NSD2: variants seen among roughly 807,000 people sequenced by gnomAD.
NSD2 encodes the protein nuclear receptor binding SET domain protein 2.
NSD2 carries 12 observed loss-of-function variants against 139.0 expected under a neutral mutation model. The ratio of observed to expected loss-of-function variants is 0.09; its 90% CI spans 0.06 to 0.14. NSD2 has a LOEUF of 0.14. NSD2 is among the 10% of genes least tolerant of loss of function. The pLI is 1.00. For missense variants in NSD2, 1,155 were observed against 1,745.0 expected (o/e 0.66, Z 6.02); for synonymous variants, 669 against 648.7 (o/e 1.03, Z -0.48).
rs1727651716 is a variant in NSD2, at chr4:1,980,496, G to A, written c.*1587G>A. The A allele has an allele frequency of 4.3e-6, 1 of 233,100 alleles. No individual in the cohort carries two copies. Among genetic ancestry groups the A allele is most frequent in the African/African-American group, 2.2e-5 (1 of 45,318 alleles). The allele number at this position is 233,100 out of a possible 1,614,324, so 14.4% of individuals were successfully genotyped here. On this transcript the variant is annotated 3_prime_UTR_variant, in exon 22 of 22. Transcript: ENST00000508803. ...ACTCCCCTTGAAAACTGCTGCTGAG[G>A]CTCCTGTTAAATTTTCTGTGGCATC...
chr4:1,920,297 A>G (rs1276344132), intron 5 of NSD2, among the ~76,000 whole-genome samples: 2 of 152,014 alleles, frequency 1.3e-5, no homozygotes, highest in African/African-American at 4.8e-5. Flanking sequence ...TAAAAATACA[A>G]GAATTAGCTG....
At chr4:1,961,795 C>T (rs1012628510) in intron 18 of NSD2, among the ~76,000 whole-genome samples, 8 of 152,172 alleles carry the variant, frequency 5.3e-5, no homozygotes, top group African/African-American at 1.9e-4. Context: ...TGTGGGGGTG[C>T]GTGTCATCCC....
intron 18 of NSD2, among the ~76,000 whole-genome samples, chr4:1,968,196 AG>A (rs1337612102): frequency 6.6e-6 from 1 of 152,268 alleles, no homozygotes; most frequent in African/African-American, 2.4e-5. Flanking sequence ...TATTTTAGGA[AG>A]AAGAACATTG....
intron 5 of NSD2, among the ~76,000 whole-genome samples, chr4:1,920,935 G>A (rs1720036582): frequency 6.6e-6 from 1 of 152,154 alleles, no homozygotes; most frequent in Non-Finnish European, 1.5e-5. Flanking sequence ...CTACTCAGGA[G>A]GTTGAGGCAA....
chr4:1,935,221 C>G lies in NSD2; in HGVS notation c.1633C>G (p.Pro545Ala). The G allele has an allele frequency of 6.2e-7, 1 of 1,613,326 alleles. No individual in the cohort carries two copies. The highest frequency in any genetic ancestry group is 2.2e-5 in the East Asian group (1 of 44,858). The change falls in exon 7 of 22, where the codon CCC (proline) becomes GCC (alanine). Residue 545 changes from proline to alanine, a missense_variant. Physicochemically the swap from Pro to Ala is conservative, Grantham distance 27. Transcript: ENST00000508803. ...PTEDAEAEDTPRKRLRTDKHS... is the reference protein window; with the variant it reads ...PTEDAEAEDTARKRLRTDKHS... ...AGAAGATGCTGAAGCTGAGGACACA[C>G]CCAGGAAAAGACTCAGGACGGACAA...
Position 1,952,191 on chromosome 4 carries a change from G to A in NSD2, c.2097G>A (p.Arg699=). 6.2e-7 allele frequency: 1 copy of A among 1,614,046 alleles called. No individual in the cohort carries two copies. Among genetic ancestry groups the A allele is most frequent in the Non-Finnish European group, 8.5e-7 (1 of 1,180,022 alleles). The change falls in exon 11 of 22, where the codon CGG becomes CGA. Residue 699 remains arginine, a synonymous_variant. Transcript: ENST00000508803. The part of the protein sequence containing the change: ...AFHLACLGLS[R]RPEGRFTCSE... ...ACCTCGCCTGCCTTGGGCTTTCCCG[G>A]AGGCCAGAAGGGAGGTTCACCTGCA...
intron 1 of NSD2, among the ~76,000 whole-genome samples, chr4:1,890,204 A>G (rs1316951176): frequency 6.6e-6 from 1 of 152,132 alleles, no homozygotes; most frequent in Non-Finnish European, 1.5e-5. Context: ...ATTTTGTTCA[A>G]CCATTCATCA....
At chr4:1,905,789 A>G (rs1717813871) in intron 3 of NSD2, among the ~76,000 whole-genome samples, 2 of 152,156 alleles carry the variant, frequency 1.3e-5, no homozygotes, top group Admixed American at 1.3e-4. Flanking sequence ...CTCTGTCTCC[A>G]TGGAGGACCT....
At chr4:1,881,720 A>T (rs1477044556) in intron 1 of NSD2, among the ~76,000 whole-genome samples, 1 of 152,164 alleles carries the variant, frequency 6.6e-6, no homozygotes, top group Non-Finnish European at 1.5e-5. Flanking sequence ...TTCTCTCCAC[A>T]TTTATATGTG....
rs1723541528 is a variant in NSD2, at chr4:1,945,574, C to CTT, written c.1882-5498_1882-5497insTT. 4 of 1,065,288 alleles carry CTT rather than the reference C, an allele frequency of 3.8e-6. No homozygotes were observed. In the African/African-American group the frequency reaches 6.6e-5, roughly 17 times the overall value. The allele number at this position is 1,065,288 out of a possible 1,614,324, so 66.0% of individuals were successfully genotyped here. ...CTCCTGAGAAGGCTCTTGCCAGAAG[C>CTT]CTGATGTGAGTGTGTGGCACCTGTG... is the stretch of plus-strand genomic sequence containing the variant. On this transcript the variant is annotated intron_variant, in intron 9 of 21. Transcript: ENST00000508803.
Position 1,953,320 on chromosome 4 carries a change from T to G in NSD2, c.2138-4T>G. 1.2e-6 allele frequency: 2 copies of G among 1,614,238 alleles called. No individual in the cohort carries two copies. Among genetic ancestry groups the G allele is most frequent in the South Asian group, 1.1e-5 (1 of 91,084 alleles). On this transcript the variant is annotated splice_polypyrimidine_tract_variant and splice_region_variant and intron_variant, in intron 11 of 21. Transcript: ENST00000508803. ...TCTCCACCCCTTCTTTAACTTTTTGTTAGGGATTCACTCATGTTTCGTGTG... is the reference window on the plus strand; with the variant it reads ...TCTCCACCCCTTCTTTAACTTTTTGGTAGGGATTCACTCATGTTTCGTGTG...
rs373768444 is a variant in NSD2, at chr4:1,974,721, G to C, written c.3373-142G>C. ...AACAGGACTGGTTTGGGGGTGTCCT[G>C]TCTCAGTGGACACAGGACACCACGG... On this transcript the variant is annotated intron_variant, in intron 18 of 21. Coordinates refer to ENST00000508803, the MANE Select transcript of NSD2 (RefSeq NM_001042424.3). The surrounding 1 kb of genome is among the most constrained non-coding windows in gnomAD (Gnocchi z 4.0). The C allele has an allele frequency of 9.2e-6, 11 of 1,194,358 alleles. No homozygotes were observed. The highest frequency in any genetic ancestry group is 1.4e-5 in the Non-Finnish European group (11 of 809,300). The allele number at this position is 1,194,358 out of a possible 1,614,324, so 74.0% of individuals were successfully genotyped here.
At chr4:1,951,348 G>A in intron 10 of NSD2, 145 bp downstream of exon 10, 2 of 1,179,384 alleles carry the variant, frequency 1.7e-6, no homozygotes, top group East Asian at 2.6e-5. Flanking sequence ...TTTTGAAGGG[G>A]TCAGACTGAC....
chr4:1,918,471 A>G lies in NSD2; in HGVS notation c.1258A>G (p.Lys420Glu), dbSNP rs775476451. Residue 420 changes from lysine (K) to glutamate (E), a missense_variant, in exon 5 of 22, where the codon AAG (lysine) becomes GAG (glutamate). Physicochemically the swap from Lys to Glu is moderately conservative, Grantham distance 56. Coordinates refer to ENST00000508803, the MANE Select transcript of NSD2 (RefSeq NM_001042424.3). ...CCTGGAGAGTCACCCCGACATAGGG[A>G]AGAGTACTCCTCAAAAGACGGCAGA... ...ETLESHPDIG[K>E]STPQKTAEAD... is the part of the protein sequence containing the mutation. 1 of 1,614,034 alleles carries G rather than the reference A, an allele frequency of 6.2e-7. No individual in the cohort carries two copies. Among genetic ancestry groups the G allele is most frequent in the Non-Finnish European group, 8.5e-7 (1 of 1,180,008 alleles).
At chr4:1,872,589 T>A (rs35007906) in intron 1 of NSD2, among the ~76,000 whole-genome samples, 2,238 of 43,688 alleles carry the variant, frequency 0.051, 31 homozygotes, top group East Asian at 0.09. Context: ...TGTGTGTGTG[T>A]GTGAGAGAGA....
chr4:1,941,396 T>C, intron 9 of NSD2: 2 of 1,050,018 alleles, frequency 1.9e-6, no homozygotes, highest in Non-Finnish European at 2.3e-6. Context: ...TCCTAAGTCA[T>C]GTATATCGAA....
intron 5 of NSD2, among the ~76,000 whole-genome samples, chr4:1,921,746 C>T (rs192726449): frequency 3.8e-4 from 56 of 146,278 alleles, no homozygotes; most frequent in Non-Finnish European, 7.0e-4. Context: ...CACGCCAATG[C>T]ACTCCAGCCT....
At chr4:1,891,029 G>A (rs1331077284) in intron 1 of NSD2, among the ~76,000 whole-genome samples, 1 of 152,098 alleles carries the variant, frequency 6.6e-6, no homozygotes, top group Non-Finnish European at 1.5e-5. Flanking sequence ...GCGTAGCTAA[G>A]ACCACAGGCA....
intron 6 of NSD2, among the ~76,000 whole-genome samples, chr4:1,931,099 C>T (rs754995102): frequency 3.9e-5 from 6 of 152,140 alleles, no homozygotes; most frequent in Non-Finnish European, 7.4e-5. Context: ...GGAAGGTCGT[C>T]TCTTGGATTC....
Sources: allele counts gnomAD v4.1 joint callset (sites outside exome capture counted in the v4.1 genomes callset), GRCh38; gene constraint gnomAD v4.1.1; non-coding constraint Gnocchi (gnomAD v3.1); transcripts MANE v1.5; gene names NCBI Gene and HGNC (gene_info 2026-07-23, HGNC 2026-07-21).